The following CUBN variants were observed in gnomAD, a reference collection of about 807,000 sequenced individuals.
CUBN encodes cubilin, also known as 460 kDa receptor.
CUBN carries 282 observed loss-of-function variants against 405.3 expected under a neutral mutation model. The observed-to-expected ratio is 0.70, with a 90% CI of 0.63 to 0.77. CUBN has a LOEUF of 0.77. Ranked by LOEUF, CUBN falls within the 30% of genes least tolerant of loss-of-function variation. The probability of loss-of-function intolerance (pLI) is 0.00; values close to 1 mark genes in which losing one functional copy is unlikely to be tolerated. For synonymous variants in CUBN, 1,684 were observed against 1,617.0 expected (o/e 1.04, Z -0.99); for missense variants, 4,514 against 4,475.2 (o/e 1.01, Z -0.25).
At position 17,111,660 on chromosome 10, in the gene CUBN, A is replaced by T. The variant is rs926615525; in HGVS notation, c.884-610T>A. ...TAAATGTGGCTGGGCAAGGTGGCTC[A>T]TGCCTGTAATCCCAGCACTTTGGGA... On this transcript the variant is annotated intron_variant, in intron 8 of 66. Transcript: ENST00000377833. 3.3e-5 allele frequency among the ~76,000 whole-genome samples: 5 copies of T among 152,232 alleles called. No homozygotes were observed. The South Asian group carries it at 1.0e-3, about 32-fold the overall frequency.
intron 14 of CUBN, among the ~76,000 whole-genome samples, chr10:17,091,069 T>C (rs1281118390): frequency 1.3e-5 from 2 of 152,140 alleles, no homozygotes; most frequent in African/African-American, 4.8e-5. Flanking sequence ...AATCAGGGTT[T>C]TCAGTCCTGA....
chr10:16,948,498 G>A lies in CUBN; in HGVS notation c.5189C>T (p.Thr1730Met), dbSNP rs201958183. ...SSISAGGFHT[T>M]VTASVSACGG... ...CTTACCCGACACTGATGCGGTGACCGTGGTGTGGAAACCCCCAGCACTGAT... is the reference window on the plus strand; with the variant it reads ...CTTACCCGACACTGATGCGGTGACCATGGTGTGGAAACCCCCAGCACTGAT... Residue 1730 changes from threonine to methionine, a missense_variant, in exon 35 of 67, where the codon ACG becomes ATG. By Grantham distance (81) the Thr-to-Met change is moderately conservative. Coordinates refer to ENST00000377833, the MANE Select transcript of CUBN (RefSeq NM_001081.4). The A allele has an allele frequency of 1.0e-4, 161 of 1,613,826 alleles. 2 individuals are homozygous for A. The highest frequency in any genetic ancestry group is 8.2e-4 in the Middle Eastern group (5 of 6,076).
At chr10:16,908,978 G>A (rs1588640377) in intron 48 of CUBN, among the ~76,000 whole-genome samples, 2 of 151,340 alleles carry the variant, frequency 1.3e-5, no homozygotes, top group South Asian at 2.1e-4. Flanking sequence ...CGCTTCCCGG[G>A]TTCACGCCAT....
chr10:16,971,011 A>G lies in CUBN; in HGVS notation c.4695+11473T>C, dbSNP rs12358183. The stretch of plus-strand genomic sequence containing the variant: ...TTACTATTTCTTCTTCTAACAACCC[A>G]AATTGTTATAGAAGTTTTGAAAAAA... On this transcript the variant is annotated intron_variant, in intron 31 of 66. Transcript: ENST00000377833. 4.7e-4 allele frequency among the ~76,000 whole-genome samples: 71 copies of G among 152,148 alleles called. 2 individuals carry two copies. Among genetic ancestry groups the G allele is most frequent in the Admixed American group, 1.8e-3 (27 of 15,268 alleles).
chr10:17,120,525 C>A (rs1195521845), intron 6 of CUBN, among the ~76,000 whole-genome samples: 1 of 152,204 alleles, frequency 6.6e-6, no homozygotes, highest in Non-Finnish European at 1.5e-5. Context: ...TATTCTTGCT[C>A]TCCTTTATAA....
At chr10:17,024,787 C>T (rs565455230) in intron 27 of CUBN, among the ~76,000 whole-genome samples, 20 of 152,166 alleles carry the variant, frequency 1.3e-4, no homozygotes, top group Admixed American at 5.9e-4. Flanking sequence ...ATTACAAGTG[C>T]GAGCCACCAT....
chr10:16,972,499 G>A (rs1383708208), intron 31 of CUBN, among the ~76,000 whole-genome samples: 1 of 150,180 alleles, frequency 6.7e-6, no homozygotes, highest in African/African-American at 2.5e-5. Context: ...GTACAGTGGT[G>A]TGATCACAGC....
intron 40 of CUBN, 115 bp from the exon 41 acceptor site, chr10:16,928,418 G>C: frequency 9.4e-7 from 1 of 1,065,460 alleles, no homozygotes. Context: ...AGGACTCGTA[G>C]GAGATAATGG....
chr10:16,900,482 T>A (rs573914964), intron 53 of CUBN, 143 bp downstream of exon 53: 103 of 720,148 alleles, frequency 1.4e-4, no homozygotes, highest in African/African-American at 1.1e-3. Context: ...TATTGTGTTA[T>A]CCCACCAGGG....
In CUBN at chr10:16,947,447, G is replaced by C. The variant is rs1301009236; in HGVS notation, c.5210-80C>G. 3 of 1,391,978 alleles carry C rather than the reference G, an allele frequency of 2.2e-6. No homozygotes were observed. The African/African-American group carries it at 4.3e-5, about 20-fold the overall frequency. The allele number at this position is 1,391,978 out of a possible 1,614,324, so 86.2% of individuals were successfully genotyped here. A position where few individuals can be genotyped will look rare whatever the true frequency, so the allele number is the denominator to read the frequency against. ...ATAAAATAAAGGAGAAAGAACGCTA[G>C]AGCCATTATCAATGTAAAAGAATAG... On this transcript the variant is annotated intron_variant, in intron 35 of 66. Transcript: ENST00000377833.
chr10:16,888,381 C>G (rs1840882460), intron 56 of CUBN, 36 bp downstream of exon 56: 1 of 1,551,502 alleles, frequency 6.4e-7, no homozygotes, highest in African/African-American at 1.4e-5. Flanking sequence ...TTTTGTTTGT[C>G]AATTAAACGT....
chr10:16,896,699 G>A (rs1263712378), intron 54 of CUBN, among the ~76,000 whole-genome samples: 1 of 152,150 alleles, frequency 6.6e-6, no homozygotes, highest in African/African-American at 2.4e-5. Context: ...CTATAGGTGT[G>A]TCTCTTTTGC....
At chr10:17,090,028 A>T (rs1836217987) in intron 14 of CUBN, among the ~76,000 whole-genome samples, 1 of 152,134 alleles carries the variant, frequency 6.6e-6, no homozygotes, top group Admixed American at 6.6e-5. Context: ...AGGAAGGAGG[A>T]TCACTTGAGC....
At chr10:16,917,226 C>T (rs12246869) in intron 45 of CUBN, among the ~76,000 whole-genome samples, 57 of 152,200 alleles carry the variant, frequency 3.7e-4, no homozygotes, top group African/African-American at 1.3e-3. Flanking sequence ...AATAGAGTTA[C>T]CTGGTTCTTA....
intron 56 of CUBN, 24 bp downstream of exon 56, chr10:16,888,393 A>AT (rs1322184456): frequency 2.4e-5 from 38 of 1,596,072 alleles, no homozygotes; most frequent in South Asian, 3.3e-5. Flanking sequence ...ATTAAACGTA[A>AT]TTTTTTTAAA....
chr10:16,854,105 T>C (rs1839799539), intron 59 of CUBN, among the ~76,000 whole-genome samples: 1 of 152,200 alleles, frequency 6.6e-6, no homozygotes, highest in Non-Finnish European at 1.5e-5. Flanking sequence ...ATCTCAACTG[T>C]TCCAAGGAGG....
chr10:17,073,737 C>T (rs983345168), intron 17 of CUBN, among the ~76,000 whole-genome samples: 4 of 152,294 alleles, frequency 2.6e-5, no homozygotes, highest in Non-Finnish European at 4.4e-5. Context: ...TGAGCCACTG[C>T]GCCCGGCCAA....
At chr10:17,033,340 T>C (rs1834823909) in intron 27 of CUBN, among the ~76,000 whole-genome samples, 1 of 152,212 alleles carries the variant, frequency 6.6e-6, no homozygotes, top group Non-Finnish European at 1.5e-5. Flanking sequence ...GGGTGCACTA[T>C]AATTGTCCCT....
At chr10:16,885,118 T>C (rs1386737883) in intron 56 of CUBN, among the ~76,000 whole-genome samples, 1 of 152,226 alleles carries the variant, frequency 6.6e-6, no homozygotes, top group Non-Finnish European at 1.5e-5. Context: ...AGCTAGCGAA[T>C]CTGTAGCTCG....
Sources: gnomAD v4.1 joint callset for allele counts (sites outside exome capture counted in the v4.1 genomes callset) on GRCh38, gnomAD v4.1.1 for gene constraint, MANE v1.5 for transcripts, NCBI Gene and HGNC (gene_info 2026-07-23, HGNC 2026-07-21) for gene names.